The following CTNND2 variants were observed in gnomAD, a reference collection of about 807,000 sequenced individuals.
CTNND2 encodes the protein catenin delta 2, also known as catenin delta-2.
A neutral mutation model predicts 144.4 loss-of-function variants in CTNND2; 22 were observed. The ratio of observed to expected loss-of-function variants is 0.15; its 90% CI spans 0.11 to 0.22. The LOEUF (loss-of-function observed/expected upper bound fraction) is 0.22, where lower values mean the gene tolerates loss of function less well. Among genes scored for constraint, CTNND2 ranks in the 10% least tolerant of loss-of-function variants. The pLI, the probability that CTNND2 is intolerant of heterozygous loss-of-function variation, is 1.00. For synonymous variants in CTNND2, 751 were observed against 695.6 expected (o/e 1.08, Z -1.25); for missense variants, 1,353 against 1,618.8 (o/e 0.84, Z 2.82).
chr5:11,518,357 T>A (rs1561504648), intron 3 of CTNND2, among the ~76,000 whole-genome samples: 1 of 152,204 alleles, frequency 6.6e-6, no homozygotes, highest in Non-Finnish European at 1.5e-5. Flanking sequence ...CCAAGTGCTA[T>A]TAGAAAAGAG....
intron 3 of CTNND2, among the ~76,000 whole-genome samples, chr5:11,432,496 T>G (rs1763390678): frequency 6.6e-6 from 1 of 152,214 alleles, no homozygotes; most frequent in African/African-American, 2.4e-5. Context: ...CAGTTTCATA[T>G]TCCTAGCAAA....
chr5:11,014,059 T>C (rs912154493), intron 18 of CTNND2, among the ~76,000 whole-genome samples: 4 of 152,246 alleles, frequency 2.6e-5, no homozygotes, highest in Admixed American at 6.5e-5. Flanking sequence ...TACAGCTCCA[T>C]GAGAGGGAAA....
chr5:11,240,205 ACC>A lies in CTNND2; in HGVS notation c.1629-3384_1629-3383del, dbSNP rs1206238745. Among the ~76,000 whole-genome samples, 558 of 95,038 alleles carry A rather than the reference ACC, an allele frequency of 5.9e-3. 16 individuals are homozygous for A. The highest frequency in any genetic ancestry group is 0.04 in the Admixed American group (334 of 8,428). The allele number at this position is 95,038 out of a possible 152,430, so 62.3% of individuals were successfully genotyped here. On this transcript the variant is annotated intron_variant, in intron 9 of 21. Coordinates refer to ENST00000304623, the MANE Select transcript of CTNND2 (RefSeq NM_001332.4). ...TCACACACCCAACACACACACACAC[ACC>A]CCCAACACACACACCCAACACACAC...
At chr5:11,567,232 A>G (rs1229802600) in intron 2 of CTNND2, among the ~76,000 whole-genome samples, 4 of 152,022 alleles carry the variant, frequency 2.6e-5, no homozygotes, top group East Asian at 1.9e-4. Flanking sequence ...ATCTCTGCTC[A>G]GTATATAGTG....
At position 11,646,109 on chromosome 5, in the gene CTNND2, T is replaced by C. The variant is rs537038358; in HGVS notation, c.175-81053A>G. ...TTTCTTCTCTGTCCTTTTTTCTTCT[T>C]CTGCTCTTCTCTCTGCTCTCTCAGT... On this transcript the variant is annotated intron_variant, in intron 2 of 21. Transcript: ENST00000304623. 2.0e-5 allele frequency among the ~76,000 whole-genome samples: 3 copies of C among 152,292 alleles called. No homozygotes were observed. In the East Asian group the frequency reaches 5.8e-4, roughly 29 times the overall value.
intron 9 of CTNND2, among the ~76,000 whole-genome samples, chr5:11,256,854 A>T (rs1744304490): frequency 6.6e-6 from 1 of 152,202 alleles, no homozygotes; most frequent in Admixed American, 6.5e-5. Context: ...GGGCCAGGTA[A>T]TTCTTGGTTG....
intron 3 of CTNND2, among the ~76,000 whole-genome samples, chr5:11,496,691 T>A (rs1769978193): frequency 6.6e-6 from 1 of 152,208 alleles, no homozygotes; most frequent in African/African-American, 2.4e-5. Context: ...AAATTTTGCA[T>A]CTACTTGCAT....
intron 17 of CTNND2, 104 bp downstream of exon 17, chr5:11,022,665 T>A (rs1742385515): frequency 1.2e-6 from 1 of 835,674 alleles, no homozygotes; most frequent in Middle Eastern, 3.6e-4. Flanking sequence ...CAGAGACAAA[T>A]GCTTTCCAGT....
At chr5:11,345,620 T>A (rs1320157930) in intron 9 of CTNND2, among the ~76,000 whole-genome samples, 1 of 151,980 alleles carries the variant, frequency 6.6e-6, no homozygotes, top group Non-Finnish European at 1.5e-5. Flanking sequence ...ATCTGACATA[T>A]CAACAGTATT....
intron 10 of CTNND2, among the ~76,000 whole-genome samples, chr5:11,215,109 G>A (rs940117500): frequency 1.3e-5 from 2 of 152,170 alleles, no homozygotes; most frequent in East Asian, 1.9e-4. Flanking sequence ...TAGACTGAGC[G>A]CAGTTTTGAC....
chr5:11,474,450 C>T (rs1287243824), intron 3 of CTNND2, among the ~76,000 whole-genome samples: 1 of 151,962 alleles, frequency 6.6e-6, no homozygotes, highest in African/African-American at 2.4e-5. Context: ...TATGAGAGCC[C>T]AGAGAAAAGA....
intron 3 of CTNND2, among the ~76,000 whole-genome samples, chr5:11,497,619 G>C (rs1770101499): frequency 6.6e-6 from 1 of 150,998 alleles, no homozygotes; most frequent in African/African-American, 2.4e-5. Context: ...GGAGTGGAGA[G>C]AGGAGAATTA....
intron 2 of CTNND2, among the ~76,000 whole-genome samples, chr5:11,713,915 CA>C (rs2126699982): frequency 6.6e-6 from 1 of 150,386 alleles, no homozygotes; most frequent in Non-Finnish European, 1.5e-5. Context: ...GGAAGTGTGG[CA>C]TAGGACACTG....
At chr5:11,273,749 T>G (rs982546379) in intron 9 of CTNND2, among the ~76,000 whole-genome samples, 2 of 152,184 alleles carry the variant, frequency 1.3e-5, no homozygotes, top group African/African-American at 4.8e-5. Flanking sequence ...CTCATGTTTA[T>G]TGCACTTGGG....
At chr5:11,756,902 T>G (rs972817627) in intron 1 of CTNND2, among the ~76,000 whole-genome samples, 4 of 151,656 alleles carry the variant, frequency 2.6e-5, no homozygotes, top group Non-Finnish European at 5.9e-5. Flanking sequence ...TTCTAAGTAT[T>G]TTAAGAATAC....
At chr5:11,571,823 C>G (rs187996797) in intron 2 of CTNND2, among the ~76,000 whole-genome samples, 1 of 152,280 alleles carries the variant, frequency 6.6e-6, no homozygotes, top group East Asian at 1.9e-4. Flanking sequence ...ATTTTTCACA[C>G]TTTAATATCT....
At chr5:11,147,753 G>A (rs1011961813) in intron 12 of CTNND2, among the ~76,000 whole-genome samples, 1 of 152,132 alleles carries the variant, frequency 6.6e-6, no homozygotes, top group Non-Finnish European at 1.5e-5. Flanking sequence ...ATGTAATGGA[G>A]GTGAACATAC....
chr5:11,721,875 TGAA>T (rs1256535171), intron 2 of CTNND2, among the ~76,000 whole-genome samples: 1 of 152,178 alleles, frequency 6.6e-6, no homozygotes, highest in Non-Finnish European at 1.5e-5. Flanking sequence ...CTAACTGGAA[TGAA>T]GAAGAGGAAA....
chr5:11,297,031 T>C (rs568266926), intron 9 of CTNND2, among the ~76,000 whole-genome samples: 2 of 152,332 alleles, frequency 1.3e-5, no homozygotes, highest in South Asian at 4.1e-4. Flanking sequence ...GATGTGATCA[T>C]TAATAATATT....
Sources: gnomAD v4.1 joint callset for allele counts (sites outside exome capture counted in the v4.1 genomes callset) on GRCh38, gnomAD v4.1.1 for gene constraint, MANE v1.5 for transcripts, NCBI Gene and HGNC (gene_info 2026-07-23, HGNC 2026-07-21) for gene names.